Variants in PPFIA1 observed in about 807,000 individuals in gnomAD.
The protein encoded by PPFIA1 is PPFI scaffold protein A1.
Under a neutral mutation model 149.9 loss-of-function variants are expected in PPFIA1, and 25 were observed. That is an observed-to-expected ratio of 0.17 (90% CI 0.12 to 0.23). The LOEUF (loss-of-function observed/expected upper bound fraction) is 0.23. Ranked by LOEUF, PPFIA1 falls within the 10% of genes least tolerant of loss-of-function variation. PPFIA1 has a pLI of 1.00. For missense variants in PPFIA1, 1,362 were observed against 1,506.5 expected (o/e 0.90, Z 1.59); for synonymous variants, 549 against 552.8 (o/e 0.99, Z 0.10).
chr11:70,315,427 C>T (rs1476665526), intron 2 of PPFIA1, among the ~76,000 whole-genome samples: 1 of 152,162 alleles, frequency 6.6e-6, no homozygotes, highest in African/African-American at 2.4e-5. Flanking sequence ...TGTTTATTAG[C>T]ATACTTTTAA....
At chr11:70,320,067 T>G (rs1032479861) in intron 2 of PPFIA1, 1 of 152,212 alleles carries the variant, frequency 6.6e-6, no homozygotes, top group Admixed American at 6.5e-5. Context: ...ACAGGCCCTG[T>G]TTCTGTGTTG....
intron 6 of PPFIA1, 40 bp from the exon 7 acceptor site, chr11:70,326,557 C>A (rs2054298801): frequency 6.7e-7 from 1 of 1,498,712 alleles, no homozygotes; most frequent in Non-Finnish European, 9.2e-7. Context: ...TATAGCTCAC[C>A]AAACAAGGGT....
intron 2 of PPFIA1, among the ~76,000 whole-genome samples, chr11:70,311,214 C>A (rs2053247704): frequency 6.6e-6 from 1 of 151,560 alleles, no homozygotes; most frequent in Admixed American, 6.6e-5. Flanking sequence ...GAGGCTGAGG[C>A]AGGAGAATCG....
rs116916252 is a variant in PPFIA1 at position 70,322,615 on chromosome 11, G to A, written c.265-1787G>A. 4.7e-4 allele frequency among the ~76,000 whole-genome samples: 72 copies of A among 152,312 alleles called. No individual in the cohort carries two copies. The East Asian group carries it at 0.012, about 25-fold the overall frequency. On this transcript the variant is annotated intron_variant, in intron 2 of 27. Transcript: ENST00000253925. ...TGTTGGCATTTCTTTGTGTTTGCAAGTATGCACTGAAATACTGAATTGAAG... is the reference window on the plus strand; with the variant it reads ...TGTTGGCATTTCTTTGTGTTTGCAAATATGCACTGAAATACTGAATTGAAG...
At chr11:70,337,256 T>C (rs1222475437) in intron 11 of PPFIA1, 109 bp from the exon 12 acceptor site, 10 of 723,254 alleles carry the variant, frequency 1.4e-5, no homozygotes, top group Non-Finnish European at 2.0e-5. Context: ...TGTGCTCTTT[T>C]ACTCCGTTCC....
intron 2 of PPFIA1, among the ~76,000 whole-genome samples, chr11:70,313,426 A>T (rs1310003228): frequency 6.6e-6 from 1 of 152,152 alleles, no homozygotes; most frequent in Non-Finnish European, 1.5e-5. Flanking sequence ...GTTTCGGAAA[A>T]CATAGAGAAT....
Position 70,348,407 on chromosome 11 carries a change from GC to G in PPFIA1, c.2151del (p.Val718SerfsTer2). ...CCAGCTCGGGAAGTGGACAGACTGG[GC>G]GTCATGACCCTTGTACGTATCCGCC... ...HSPAREVDRL[G>X]VMTLLPPSRE... is the part of the protein sequence containing the mutation. On this transcript the variant is annotated frameshift_variant, in exon 16 of 28. Transcript: ENST00000253925. LOFTEE classifies it high-confidence loss of function. 1.2e-6 allele frequency: 2 copies of G among 1,609,944 alleles called. No homozygotes were observed. Among genetic ancestry groups the G allele is most frequent in the Non-Finnish European group, 1.7e-6 (2 of 1,176,208 alleles).
chr11:70,299,704 G>A (rs969225633), intron 2 of PPFIA1, among the ~76,000 whole-genome samples: 3 of 151,804 alleles, frequency 2.0e-5, no homozygotes, highest in Admixed American at 6.6e-5. Context: ...TCCAAGCTTC[G>A]CTCTTGGCCC....
chr11:70,366,463 A>C (rs2056944035), intron 21 of PPFIA1, among the ~76,000 whole-genome samples: 1 of 152,234 alleles, frequency 6.6e-6, no homozygotes. Context: ...AATCCTAAGG[A>C]ATTAAGCCTC....
At chr11:70,326,424 G>A in intron 6 of PPFIA1, 61 bp downstream of exon 6, 2 of 1,460,760 alleles carry the variant, frequency 1.4e-6, no homozygotes, top group Non-Finnish European at 1.9e-6. Context: ...TATGTGTCGG[G>A]TTATGTGGAA....
chr11:70,333,632 T>G, intron 10 of PPFIA1, 79 bp downstream of exon 10: 2 of 1,102,646 alleles, frequency 1.8e-6, no homozygotes, highest in Non-Finnish European at 2.7e-6. Flanking sequence ...GCTCAGGGCC[T>G]CCCACCCCTG....
chr11:70,320,686 C>G (rs964174850), intron 2 of PPFIA1, among the ~76,000 whole-genome samples: 4 of 152,156 alleles, frequency 2.6e-5, no homozygotes, highest in African/African-American at 9.7e-5. Flanking sequence ...GTCCTCCAAC[C>G]TTGGCCTCCC....
At chr11:70,301,299 C>T (rs2052473237) in intron 2 of PPFIA1, among the ~76,000 whole-genome samples, 1 of 152,216 alleles carries the variant, frequency 6.6e-6, no homozygotes. Context: ...CCACTCAACA[C>T]AGCCCCCAAC....
intron 23 of PPFIA1, among the ~76,000 whole-genome samples, chr11:70,373,190 C>T (rs2057346555): frequency 1.3e-5 from 2 of 151,720 alleles, no homozygotes; most frequent in Admixed American, 6.6e-5. Context: ...GTCCCTCACT[C>T]GTACTCAAAT....
intron 16 of PPFIA1, among the ~76,000 whole-genome samples, chr11:70,351,851 C>A (rs903713481): frequency 6.6e-6 from 1 of 152,234 alleles, no homozygotes; most frequent in Non-Finnish European, 1.5e-5. Flanking sequence ...CTCAGATACT[C>A]TGACCTCCCT....
At chr11:70,304,216 G>A (rs142920389) in intron 2 of PPFIA1, among the ~76,000 whole-genome samples, 104 of 152,286 alleles carry the variant, frequency 6.8e-4, no homozygotes, top group African/African-American at 2.5e-3. Flanking sequence ...TCCTGAACAT[G>A]TAGCAGTTTC....
chr11:70,332,584 T>C (rs2054731896), intron 9 of PPFIA1, among the ~76,000 whole-genome samples: 1 of 152,242 alleles, frequency 6.6e-6, no homozygotes, highest in Non-Finnish European at 1.5e-5. Flanking sequence ...GTAATATTTA[T>C]TCATTTGTCC....
chr11:70,318,313 G>C (rs2136664590), intron 2 of PPFIA1, among the ~76,000 whole-genome samples: 1 of 152,308 alleles, frequency 6.6e-6, no homozygotes, highest in Middle Eastern at 3.4e-3. Flanking sequence ...GAAGAAATCA[G>C]AAAAGAAGTT....
chr11:70,308,498 A>G (rs1041030975), intron 2 of PPFIA1, among the ~76,000 whole-genome samples: 3 of 152,262 alleles, frequency 2.0e-5, no homozygotes, highest in African/African-American at 7.2e-5. Flanking sequence ...AGCATGATCA[A>G]TGCCAAAAGT....
Sources: gnomAD v4.1 joint callset for allele counts (sites outside exome capture counted in the v4.1 genomes callset) on GRCh38, gnomAD v4.1.1 for gene constraint, MANE v1.5 for transcripts, NCBI Gene and HGNC (gene_info 2026-07-23, HGNC 2026-07-21) for gene names.